FSTL4: variants seen among roughly 807,000 people sequenced by gnomAD.
The protein encoded by FSTL4 is follistatin like 4.
FSTL4 carries 28 observed loss-of-function variants against 78.2 expected under a neutral mutation model. That is an observed-to-expected ratio of 0.36 (90% CI 0.27 to 0.49). FSTL4 has a LOEUF of 0.49. FSTL4 is among the 20% of genes least tolerant of loss of function. The probability of loss-of-function intolerance (pLI) is 0.98; values close to 1 mark genes in which losing one functional copy is unlikely to be tolerated. For synonymous variants in FSTL4, 422 were observed against 440.5 expected (o/e 0.96, Z 0.53); for missense variants, 922 against 1,084.9 (o/e 0.85, Z 2.11).
chr5:133,233,706 A>G (rs1353548077), intron 7 of FSTL4, among the ~76,000 whole-genome samples, 169 bp from the exon 8 acceptor site: 6 of 152,316 alleles, frequency 3.9e-5, no homozygotes, highest in Middle Eastern at 3.4e-3. Flanking sequence ...GGGCAGCAGC[A>G]ACCCCATCTT....
At chr5:133,619,737 T>A in the FSTL4 span, among the ~76,000 whole-genome samples, 1 of 152,234 alleles carries the variant, frequency 6.6e-6, no homozygotes, top group African/African-American at 2.4e-5. Context: ...CAGGATGCTT[T>A]AAAGCTGACA....
the FSTL4 span, among the ~76,000 whole-genome samples, chr5:133,741,934 C>G: frequency 1.3e-5 from 2 of 152,230 alleles, no homozygotes; most frequent in Non-Finnish European, 2.9e-5. Context: ...CTTTGAAAGA[C>G]TGCATGACTC....
chr5:133,654,710 T>C, the FSTL4 span, among the ~76,000 whole-genome samples: 1 of 152,178 alleles, frequency 6.6e-6, no homozygotes, highest in Non-Finnish European at 1.5e-5. Context: ...GCCATGGGGA[T>C]ACCAGGCAAG....
At chr5:133,686,618 A>C in the FSTL4 span, among the ~76,000 whole-genome samples, 1 of 152,226 alleles carries the variant, frequency 6.6e-6, no homozygotes, top group African/African-American at 2.4e-5. Flanking sequence ...ACGTTCTGTC[A>C]ATACCTGCAG....
intron 4 of FSTL4, among the ~76,000 whole-genome samples, chr5:133,378,594 AG>A (rs1234019847): frequency 1.3e-5 from 2 of 152,154 alleles, no homozygotes; most frequent in Admixed American, 6.5e-5. Context: ...TAACATATAT[AG>A]TTTTATTTTG....
At chr5:133,512,790 A>G (rs35126739) in intron 3 of FSTL4, among the ~76,000 whole-genome samples, 5,900 of 152,058 alleles carry the variant, frequency 0.039, 238 homozygotes, top group African/African-American at 0.1. Context: ...CTGGGTGGAA[A>G]GGTGATGCCC....
intron 4 of FSTL4, among the ~76,000 whole-genome samples, chr5:133,337,463 C>G (rs556319640): frequency 4.6e-5 from 7 of 152,208 alleles, no homozygotes; most frequent in Admixed American, 1.3e-4. Context: ...GAGGCTTCTT[C>G]GAGGAGTGGA....
the FSTL4 span, among the ~76,000 whole-genome samples, chr5:133,634,759 T>C: frequency 1.3e-5 from 2 of 152,282 alleles, no homozygotes; most frequent in Non-Finnish European, 2.9e-5. Context: ...GTCAGACATG[T>C]TACTAATTGA....
chr5:133,340,979 G>T (rs1277413664), intron 4 of FSTL4, among the ~76,000 whole-genome samples: 2 of 151,866 alleles, frequency 1.3e-5, no homozygotes, highest in Admixed American at 6.6e-5. Flanking sequence ...TGGATGCATA[G>T]CTAGGCTTCA....
chr5:133,260,832 T>C (rs1752503404), intron 6 of FSTL4, among the ~76,000 whole-genome samples: 1 of 151,892 alleles, frequency 6.6e-6, no homozygotes, highest in Admixed American at 6.6e-5. Flanking sequence ...GGCAGAGGGG[T>C]TCAGGAGTGG....
At chr5:133,516,764 G>T (rs1758859207) in intron 3 of FSTL4, among the ~76,000 whole-genome samples, 1 of 152,084 alleles carries the variant, frequency 6.6e-6, no homozygotes, top group African/African-American at 2.4e-5. Context: ...AAAACAATGG[G>T]GTATGGCAGC....
the FSTL4 span, among the ~76,000 whole-genome samples, chr5:133,714,326 T>A: frequency 6.6e-6 from 1 of 152,206 alleles, no homozygotes; most frequent in Admixed American, 6.5e-5. Flanking sequence ...AATCTTCTCA[T>A]CAACTCTATG....
At chr5:133,233,316 A>T in intron 8 of FSTL4, 101 bp downstream of exon 8, 1 of 1,313,102 alleles carries the variant, frequency 7.6e-7, no homozygotes, top group Non-Finnish European at 1.1e-6. Context: ...GGGGTTAGAT[A>T]TTTCTTTAAG....
intron 3 of FSTL4, among the ~76,000 whole-genome samples, chr5:133,461,985 C>T (rs1390007543): frequency 6.6e-6 from 1 of 152,216 alleles, no homozygotes; most frequent in Non-Finnish European, 1.5e-5. Flanking sequence ...CAAGCACAGG[C>T]CCTGCTGCCA....
At chr5:133,213,746 T>TA (rs1429766678) in intron 13 of FSTL4, among the ~76,000 whole-genome samples, 2 of 152,172 alleles carry the variant, frequency 1.3e-5, no homozygotes, top group East Asian at 3.9e-4. Context: ...ACATAGTAGA[T>TA]AAAAATCAAC....
chr5:133,351,238 T>C (rs1053279937), intron 4 of FSTL4, among the ~76,000 whole-genome samples: 1 of 152,200 alleles, frequency 6.6e-6, no homozygotes, highest in African/African-American at 2.4e-5. Flanking sequence ...GTAGGTAATG[T>C]CTTTTATCTC....
intron 3 of FSTL4, among the ~76,000 whole-genome samples, chr5:133,418,902 C>G (rs1229010930): frequency 6.6e-6 from 1 of 152,190 alleles, no homozygotes; most frequent in East Asian, 1.9e-4. Flanking sequence ...CCCTTTGCCC[C>G]TCCCTGTCCC....
At chr5:133,282,570 G>T (rs937183324) in intron 6 of FSTL4, among the ~76,000 whole-genome samples, 19 of 152,230 alleles carry the variant, frequency 1.2e-4, no homozygotes, top group South Asian at 4.1e-4. Context: ...AGCTGGAGGT[G>T]CAGCAGTGGC....
At chr5:133,583,355 G>A (rs1760476689) in intron 2 of FSTL4, 1 of 272,558 alleles carries the variant, frequency 3.7e-6, no homozygotes, top group Non-Finnish European at 7.4e-6. Context: ...CGACGCAGAA[G>A]ACGGGTGATT....
Sources: allele counts gnomAD v4.1 joint callset (sites outside exome capture counted in the v4.1 genomes callset), GRCh38; gene constraint gnomAD v4.1.1; transcripts MANE v1.5; gene names NCBI Gene and HGNC (gene_info 2026-07-23, HGNC 2026-07-21).